The following GRM7 variants were observed in gnomAD, a reference collection of about 807,000 sequenced individuals.
GRM7 encodes glutamate metabotropic receptor 7.
In GRM7, 35 loss-of-function variants were observed where a neutral mutation model predicts 84.5. The ratio of observed to expected loss-of-function variants is 0.41; its 90% CI spans 0.32 to 0.55. The LOEUF is 0.55. Ranked by LOEUF, GRM7 falls within the 20% of genes least tolerant of loss-of-function variation. The probability of loss-of-function intolerance (pLI) is 0.19; values close to 1 mark genes in which losing one functional copy is unlikely to be tolerated. For missense variants in GRM7, 1,003 were observed against 1,194.6 expected, an observed-to-expected ratio of 0.84 and a Z score of 2.36; for synonymous variants, 487 against 455.1, an observed-to-expected ratio of 1.07 and a Z score of -0.89.
chr3:7,123,885 G>C (rs1167240447), intron 1 of GRM7, among the ~76,000 whole-genome samples: 1 of 152,162 alleles, frequency 6.6e-6, no homozygotes, highest in Non-Finnish European at 1.5e-5. Context: ...TCCTGAGTTT[G>C]GGGTCTCCAT....
intron 1 of GRM7, among the ~76,000 whole-genome samples, chr3:6,901,032 T>G (rs1011073089): frequency 6.0e-4 from 92 of 152,362 alleles, no homozygotes; most frequent in Middle Eastern, 3.4e-3. Context: ...TCATTTAGTT[T>G]ATTCTCCAGG....
intron 7 of GRM7, among the ~76,000 whole-genome samples, chr3:7,529,180 T>C (rs1700928793): frequency 6.6e-6 from 1 of 152,128 alleles, no homozygotes; most frequent in African/African-American, 2.4e-5. Flanking sequence ...GAGCCTTTTA[T>C]TATGAGCGTC....
At chr3:6,889,975 C>T (rs574979996) in intron 1 of GRM7, among the ~76,000 whole-genome samples, 1 of 152,108 alleles carries the variant, frequency 6.6e-6, no homozygotes, top group Non-Finnish European at 1.5e-5. Flanking sequence ...GTGTACGTGT[C>T]GAGGAATTTA....
chr3:6,929,316 C>T (rs1445812869), intron 1 of GRM7, among the ~76,000 whole-genome samples: 1 of 152,176 alleles, frequency 6.6e-6, no homozygotes, highest in African/African-American at 2.4e-5. Context: ...TCCCAACTGC[C>T]TCTCCCCTCT....
intron 8 of GRM7, among the ~76,000 whole-genome samples, chr3:7,638,879 T>A (rs1872394): frequency 2.0e-5 from 3 of 152,178 alleles, no homozygotes; most frequent in African/African-American, 2.4e-5. Flanking sequence ...AGAGAGCTAA[T>A]GATTTGGCAG....
rs1023092121 is a variant in GRM7, at chr3:7,491,419, T to G, written c.1515+29697T>G. ...AGGAAAATGATTTAGATGGTATATA[T>G]ATATATATATATAGTGAGATTATTA... On this transcript the variant is annotated intron_variant, in intron 7 of 9. Coordinates refer to ENST00000357716, the MANE Select transcript of GRM7 (RefSeq NM_000844.4). Among the ~76,000 whole-genome samples, 17 of 151,278 alleles carry G rather than the reference T, an allele frequency of 1.1e-4. No individual in the cohort carries two copies. In the East Asian group the frequency reaches 1.6e-3, roughly 14 times the overall value.
At chr3:7,042,316 T>A (rs1194628410) in intron 1 of GRM7, among the ~76,000 whole-genome samples, 5 of 152,130 alleles carry the variant, frequency 3.3e-5, no homozygotes, top group South Asian at 2.1e-4. Flanking sequence ...TGCTTGCTAG[T>A]GGGTTGAAAT....
At chr3:7,076,473 C>T (rs1027964300) in intron 1 of GRM7, among the ~76,000 whole-genome samples, 13 of 152,238 alleles carry the variant, frequency 8.5e-5, no homozygotes, top group East Asian at 1.9e-4. Flanking sequence ...TCCTGTCTCT[C>T]GCCTGCTGCC....
chr3:6,888,130 A>G (rs561925380), intron 1 of GRM7, among the ~76,000 whole-genome samples: 35 of 152,100 alleles, frequency 2.3e-4, no homozygotes, highest in Non-Finnish European at 4.4e-4. Flanking sequence ...TCTGGATATT[A>G]GCCCTTTGTC....
chr3:7,205,859 C>CT (rs1351568110), intron 2 of GRM7, among the ~76,000 whole-genome samples: 1 of 152,200 alleles, frequency 6.6e-6, no homozygotes, highest in Non-Finnish European at 1.5e-5. Context: ...TTTGAACCAT[C>CT]TAAGTGTTAA....
At chr3:7,026,552 T>C (rs1040792074) in intron 1 of GRM7, among the ~76,000 whole-genome samples, 1 of 152,192 alleles carries the variant, frequency 6.6e-6, no homozygotes, top group African/African-American at 2.4e-5. Flanking sequence ...TAAAGCACTA[T>C]GGAATACTTA....
At chr3:7,555,252 G>A (rs920860989) in intron 7 of GRM7, among the ~76,000 whole-genome samples, 1 of 152,180 alleles carries the variant, frequency 6.6e-6, no homozygotes, top group African/African-American at 2.4e-5. Context: ...GCTGTCACTA[G>A]TAATAATAAG....
At chr3:6,886,148 T>G (rs756019233) in intron 1 of GRM7, among the ~76,000 whole-genome samples, 11 of 152,188 alleles carry the variant, frequency 7.2e-5, no homozygotes, top group Non-Finnish European at 1.2e-4. Flanking sequence ...TAAGATTTTC[T>G]CTCTTGGCAA....
intron 4 of GRM7, among the ~76,000 whole-genome samples, chr3:7,380,350 A>T (rs1323147697): frequency 1.5e-5 from 1 of 68,590 alleles, no homozygotes; most frequent in Non-Finnish European, 2.8e-5. Context: ...TCTGCGCATC[A>T]TATTTAGTTC....
intron 9 of GRM7, among the ~76,000 whole-genome samples, chr3:7,705,692 G>A (rs1294086340): frequency 2.0e-5 from 3 of 152,182 alleles, no homozygotes; most frequent in Non-Finnish European, 2.9e-5. Context: ...GTAAAAGATC[G>A]AAGAAAGGCC....
chr3:7,687,812 A>G (rs1700641708), intron 9 of GRM7, among the ~76,000 whole-genome samples: 1 of 152,142 alleles, frequency 6.6e-6, no homozygotes, highest in South Asian at 2.1e-4. Context: ...AAACAGCATA[A>G]GAGTACTTCC....
intron 5 of GRM7, among the ~76,000 whole-genome samples, chr3:7,427,927 G>A (rs1197136121): frequency 6.6e-6 from 1 of 152,162 alleles, no homozygotes; most frequent in East Asian, 1.9e-4. Context: ...ACAAGGTCTG[G>A]CAGACTTCAA....
rs532463597 is a variant in GRM7 at position 7,357,487 on chromosome 3, G to T, written c.1033+50835G>T. Among the ~76,000 whole-genome samples the T allele has an allele frequency of 1.3e-3, 202 of 152,100 alleles. 1 individual carries two copies. The highest frequency in any genetic ancestry group is 6.8e-3 in the Middle Eastern group (2 of 294). On this transcript the variant is annotated intron_variant, in intron 4 of 9. Coordinates refer to ENST00000357716, the MANE Select transcript of GRM7 (RefSeq NM_000844.4). ...ATGTCTCAAACTGGCAGTTCCTACA[G>T]ACATATTTTTTCCTCTAGGTTGTTA...
At chr3:7,646,132 G>A (rs372499694) in intron 8 of GRM7, among the ~76,000 whole-genome samples, 30 of 152,240 alleles carry the variant, frequency 2.0e-4, no homozygotes, top group Admixed American at 5.9e-4. Flanking sequence ...CGGTCACGCC[G>A]GTTTTTTCCC....
Sources: allele counts gnomAD v4.1 joint callset (sites outside exome capture counted in the v4.1 genomes callset), GRCh38; gene constraint gnomAD v4.1.1; transcripts MANE v1.5; gene names NCBI Gene and HGNC (gene_info 2026-07-23, HGNC 2026-07-21).